AUTS2: variants seen among roughly 807,000 people sequenced by gnomAD.
AUTS2 encodes autism susceptibility gene 2 protein.
AUTS2 carries 17 observed loss-of-function variants against 112.4 expected under a neutral mutation model. The observed-to-expected ratio is 0.15, with a 90% CI of 0.10 to 0.23. The LOEUF (loss-of-function observed/expected upper bound fraction) is 0.23. Among genes scored for constraint, AUTS2 ranks in the 10% least tolerant of loss-of-function variants. The probability of loss-of-function intolerance (pLI) is 1.00; values close to 1 mark genes in which losing one functional copy is unlikely to be tolerated. For missense variants in AUTS2, 1,510 were observed against 1,701.6 expected (o/e 0.89, Z 1.98); for synonymous variants, 751 against 702.7 (o/e 1.07, Z -1.09).
intron 4 of AUTS2, among the ~76,000 whole-genome samples, chr7:70,426,799 C>T (rs755562561): frequency 6.6e-6 from 1 of 152,194 alleles, no homozygotes; most frequent in Non-Finnish European, 1.5e-5. Flanking sequence ...AAGCAATTGG[C>T]TTCCCAGGCA....
chr7:70,370,770 C>T (rs555897176), intron 4 of AUTS2, among the ~76,000 whole-genome samples: 64 of 152,118 alleles, frequency 4.2e-4, no homozygotes, highest in African/African-American at 1.5e-3. Context: ...CTACAGTGCC[C>T]GCATTTTACA....
intron 2 of AUTS2, among the ~76,000 whole-genome samples, chr7:69,924,519 G>GTCTTT (rs919993051): frequency 1.3e-5 from 2 of 149,552 alleles, no homozygotes. Context: ...TATTTCTTTT[G>GTCTTT]TCTTTTCTTT....
chr7:70,322,034 G>T (rs1043635465), intron 4 of AUTS2, among the ~76,000 whole-genome samples: 2 of 152,104 alleles, frequency 1.3e-5, no homozygotes, highest in Admixed American at 6.6e-5. Flanking sequence ...AATTCAAAAG[G>T]TTACTTAGAG....
intron 4 of AUTS2, among the ~76,000 whole-genome samples, chr7:70,228,415 A>G (rs1811880867): frequency 6.6e-6 from 1 of 151,482 alleles, no homozygotes; most frequent in Non-Finnish European, 1.5e-5. Context: ...AAATTTATTT[A>G]TAGTTAATAT....
intron 1 of AUTS2, among the ~76,000 whole-genome samples, chr7:69,808,420 T>G (rs1312303738): frequency 6.6e-6 from 1 of 152,230 alleles, no homozygotes; most frequent in East Asian, 1.9e-4. Context: ...AATGCTATCA[T>G]GGCACTATAC....
rs189010682 is a variant in AUTS2, at chr7:70,640,525, C to G, written c.691-58044C>G. 1.3e-3 allele frequency among the ~76,000 whole-genome samples: 193 copies of G among 151,140 alleles called. 1 individual carries two copies. Among genetic ancestry groups the G allele is most frequent in the Admixed American group, 2.6e-3 (39 of 15,184 alleles). On this transcript the variant is annotated intron_variant, in intron 5 of 18. Transcript: ENST00000342771. ...AAGTCAGCGCAGACATCCCAGGATGCACTAGAATAACATACTGTTTACTTC... is the reference window on the plus strand; with the variant it reads ...AAGTCAGCGCAGACATCCCAGGATGGACTAGAATAACATACTGTTTACTTC...
rs6150156 is a variant in AUTS2 at position 69,602,040 on chromosome 7, ATGTGTGTGTGTGTG to A, written c.309+2118_309+2131del. Reference sequence around the variant, plus strand: ...TGTGTGTATATATATATATATATATATGTGTGTGTGTGTGTGTGTGTGTGTGTGTGTGTGTGTGT... The same window carrying A: ...TGTGTGTATATATATATATATATATATGTGTGTGTGTGTGTGTGTGTGTGT... On this transcript the variant is annotated intron_variant, in intron 1 of 18. Coordinates refer to ENST00000342771, the MANE Select transcript of AUTS2 (RefSeq NM_015570.4). 4.7e-3 allele frequency among the ~76,000 whole-genome samples: 218 copies of A among 46,130 alleles called. 3 individuals are homozygous for A. Among genetic ancestry groups the A allele is most frequent in the African/African-American group, 0.013 (189 of 14,002 alleles). 30.3% of individuals were successfully genotyped at this position (46,130 alleles called of 152,430 possible).
chr7:70,606,337 T>C (rs1803758485), intron 5 of AUTS2, among the ~76,000 whole-genome samples: 1 of 151,872 alleles, frequency 6.6e-6, no homozygotes, highest in Non-Finnish European at 1.5e-5. Flanking sequence ...TCTTAAAAGT[T>C]AATATTTGTA....
In AUTS2 at chr7:70,170,441, C is replaced by T. The variant is rs951319778; in HGVS notation, c.660+35870C>T. The stretch of plus-strand genomic sequence containing the variant: ...GGGATTACAGGGATTACAGCCACTG[C>T]GCCTAGCCTAAATATATTAATAAGT... On this transcript the variant is annotated intron_variant, in intron 4 of 18. Coordinates refer to ENST00000342771, the MANE Select transcript of AUTS2 (RefSeq NM_015570.4). Among the ~76,000 whole-genome samples, 12 of 152,018 alleles carry T rather than the reference C, an allele frequency of 7.9e-5. No individual in the cohort carries two copies. The South Asian group carries it at 8.3e-4, about 11-fold the overall frequency.
At chr7:70,085,120 TC>T (rs1278807025) in intron 2 of AUTS2, among the ~76,000 whole-genome samples, 2 of 152,152 alleles carry the variant, frequency 1.3e-5, no homozygotes, top group Non-Finnish European at 2.9e-5. Context: ...CAATCAATCC[TC>T]CTGCCTCAGT....
At chr7:70,634,849 C>T (rs1270289143) in intron 5 of AUTS2, among the ~76,000 whole-genome samples, 7 of 152,204 alleles carry the variant, frequency 4.6e-5, no homozygotes, top group Non-Finnish European at 1.0e-4. Flanking sequence ...TTGTGAGCTG[C>T]ACATTGCGGA....
chr7:70,323,574 C>T (rs1312804138), intron 4 of AUTS2, among the ~76,000 whole-genome samples: 1 of 152,074 alleles, frequency 6.6e-6, no homozygotes, highest in Non-Finnish European at 1.5e-5. Context: ...TCTGTTTGAC[C>T]TAGATGTGAA....
intron 1 of AUTS2, among the ~76,000 whole-genome samples, chr7:69,884,111 G>A (rs1264498400): frequency 2.0e-5 from 3 of 152,180 alleles, no homozygotes; most frequent in Non-Finnish European, 4.4e-5. Flanking sequence ...TTTAAAGTGT[G>A]TCATCTGTGG....
intron 4 of AUTS2, among the ~76,000 whole-genome samples, chr7:70,185,257 CTTTTTT>C (rs35215443): frequency 2.9e-4 from 25 of 87,116 alleles, no homozygotes; most frequent in Admixed American, 5.2e-4. Context: ...TGACATTAAA[CTTTTTT>C]TTTTTTTTTT....
intron 4 of AUTS2, among the ~76,000 whole-genome samples, chr7:70,208,712 G>C (rs1176223179): frequency 6.6e-6 from 1 of 151,978 alleles, no homozygotes; most frequent in Non-Finnish European, 1.5e-5. Context: ...TAACGTGATA[G>C]AGATGGGTGG....
intron 5 of AUTS2, among the ~76,000 whole-genome samples, chr7:70,696,326 C>T (rs1809097818): frequency 6.6e-6 from 1 of 152,106 alleles, no homozygotes; most frequent in Admixed American, 6.5e-5. Context: ...TCACGGTCAG[C>T]CAGAGCCCCA....
chr7:70,345,309 A>G (rs973953079), intron 4 of AUTS2, among the ~76,000 whole-genome samples: 15 of 152,214 alleles, frequency 9.9e-5, no homozygotes, highest in Admixed American at 3.3e-4. Flanking sequence ...ACTTCCTATG[A>G]CAGAGTGCTT....
At chr7:70,048,974 T>A (rs1014609567) in intron 2 of AUTS2, among the ~76,000 whole-genome samples, 1 of 152,166 alleles carries the variant, frequency 6.6e-6, no homozygotes, top group Non-Finnish European at 1.5e-5. Flanking sequence ...TAAGTAGTCA[T>A]GTTTTGTGGG....
chr7:70,511,923 G>A (rs1471484416), intron 5 of AUTS2, among the ~76,000 whole-genome samples: 2 of 152,082 alleles, frequency 1.3e-5, no homozygotes, highest in Non-Finnish European at 2.9e-5. Flanking sequence ...TCTTCAAAGT[G>A]TCCTGGTTTG....
Sources: gnomAD v4.1 joint callset for allele counts (sites outside exome capture counted in the v4.1 genomes callset) on GRCh38, gnomAD v4.1.1 for gene constraint, MANE v1.5 for transcripts, NCBI Gene and HGNC (gene_info 2026-07-23, HGNC 2026-07-21) for gene names.